CACNA2D3: variants seen among roughly 807,000 people sequenced by gnomAD.
The protein encoded by CACNA2D3 is calcium voltage-gated channel auxiliary subunit alpha2delta 3.
CACNA2D3 carries 60 observed loss-of-function variants against 160.6 expected under a neutral mutation model. The ratio of observed to expected loss-of-function variants is 0.37; its 90% CI spans 0.30 to 0.46. The LOEUF (loss-of-function observed/expected upper bound fraction) is 0.46. Ranked by LOEUF, CACNA2D3 falls within the 20% of genes least tolerant of loss-of-function variation. CACNA2D3 has a pLI of 1.00. For synonymous variants in CACNA2D3, 558 were observed against 492.9 expected (o/e 1.13, Z -1.75); for missense variants, 1,205 against 1,365.0 (o/e 0.88, Z 1.85).
At chr3:54,751,888 A>C (rs750836140) in intron 11 of CACNA2D3, among the ~76,000 whole-genome samples, 13 of 152,172 alleles carry the variant, frequency 8.5e-5, no homozygotes, top group Non-Finnish European at 1.8e-4. Flanking sequence ...TTCATTCCTT[A>C]TCTTTCTTCC....
intron 27 of CACNA2D3, among the ~76,000 whole-genome samples, chr3:54,904,168 A>G (rs1160767346): frequency 2.6e-5 from 4 of 152,204 alleles, no homozygotes; most frequent in South Asian, 4.1e-4. Flanking sequence ...AGAAAGGGCA[A>G]AACCTATTTT....
intron 13 of CACNA2D3, among the ~76,000 whole-genome samples, chr3:54,798,909 C>A (rs1702924935): frequency 6.6e-6 from 1 of 152,224 alleles, no homozygotes; most frequent in South Asian, 2.1e-4. Flanking sequence ...TGCTCCATTA[C>A]TCAGCTGCCT....
chr3:54,983,272 G>T (rs1702545773), intron 29 of CACNA2D3, among the ~76,000 whole-genome samples: 1 of 152,196 alleles, frequency 6.6e-6, no homozygotes, highest in Admixed American at 6.5e-5. Context: ...AATGTGACTT[G>T]TGCAACTAAG....
chr3:54,859,545 G>A (rs898145476), intron 17 of CACNA2D3, among the ~76,000 whole-genome samples: 2 of 152,170 alleles, frequency 1.3e-5, no homozygotes, highest in Non-Finnish European at 2.9e-5. Flanking sequence ...CTCTCTCCTA[G>A]AGATGGAGTC....
intron 3 of CACNA2D3, among the ~76,000 whole-genome samples, chr3:54,361,011 A>T (rs1698732530): frequency 6.6e-6 from 1 of 152,140 alleles, no homozygotes. Flanking sequence ...GAAGACCTTA[A>T]GAATGGTTAA....
intron 14 of CACNA2D3, 48 bp from the exon 15 acceptor site, chr3:54,837,109 CTG>C: frequency 6.5e-7 from 1 of 1,536,142 alleles, no homozygotes; most frequent in Middle Eastern, 1.7e-4. Flanking sequence ...GCCTCCAGAA[CTG>C]TGGTTTCCAG....
intron 3 of CACNA2D3, among the ~76,000 whole-genome samples, chr3:54,337,957 A>G (rs915141844): frequency 1.3e-5 from 2 of 152,350 alleles, no homozygotes; most frequent in Admixed American, 6.5e-5. Context: ...ACAGGCTGCC[A>G]CTTGCATCCA....
At chr3:54,846,054 T>G (rs1417925343) in intron 16 of CACNA2D3, among the ~76,000 whole-genome samples, 8 of 152,176 alleles carry the variant, frequency 5.3e-5, no homozygotes, top group African/African-American at 1.9e-4. Flanking sequence ...TTCTGTGCAC[T>G]TGGACATAGG....
chr3:54,406,099 A>T (rs1163502556), intron 4 of CACNA2D3, among the ~76,000 whole-genome samples: 1 of 152,128 alleles, frequency 6.6e-6, no homozygotes, highest in Non-Finnish European at 1.5e-5. Context: ...GTCAGTGGGA[A>T]TATAGATTGG....
intron 2 of CACNA2D3, among the ~76,000 whole-genome samples, chr3:54,210,537 C>T (rs531123518): frequency 4.6e-5 from 7 of 151,964 alleles, no homozygotes; most frequent in East Asian, 3.9e-4. Context: ...GTAAGGTCAC[C>T]GGACTTCTGC....
intron 2 of CACNA2D3, among the ~76,000 whole-genome samples, chr3:54,134,726 C>G (rs551815625): frequency 4.6e-5 from 7 of 152,368 alleles, no homozygotes; most frequent in African/African-American, 1.7e-4. Flanking sequence ...GACAGCAGAA[C>G]AAGCCGGTCC....
At position 54,207,771 on chromosome 3, in the gene CACNA2D3, C is replaced by G. The variant is rs991843420; in HGVS notation, c.204+84177C>G. On this transcript the variant is annotated intron_variant, in intron 2 of 37. Coordinates refer to ENST00000474759, the MANE Select transcript of CACNA2D3 (RefSeq NM_018398.3). ...GGCAGGAGGGGAAAGTGATGAATCT[C>G]TTCTCTGTGTCACTTCATCATGGGA... Among the ~76,000 whole-genome samples, 3 of 152,134 alleles carry G rather than the reference C, an allele frequency of 2.0e-5. No individual in the cohort carries two copies. In the East Asian group the frequency reaches 5.8e-4, roughly 29 times the overall value.
intron 5 of CACNA2D3, among the ~76,000 whole-genome samples, chr3:54,560,394 G>C (rs1702305876): frequency 6.6e-6 from 1 of 152,218 alleles, no homozygotes; most frequent in Non-Finnish European, 1.5e-5. Context: ...CTTTTGAGAA[G>C]TGTCTGTTCA....
chr3:54,543,257 G>T (rs1261569456), intron 5 of CACNA2D3, among the ~76,000 whole-genome samples: 2 of 152,194 alleles, frequency 1.3e-5, no homozygotes, highest in African/African-American at 4.8e-5. Flanking sequence ...TCGGAGGGTG[G>T]CGTTAGGTTG....
At chr3:54,260,828 C>G (rs1260052222) in intron 2 of CACNA2D3, among the ~76,000 whole-genome samples, 1 of 152,142 alleles carries the variant, frequency 6.6e-6, no homozygotes, top group African/African-American at 2.4e-5. Context: ...GCTCATCACT[C>G]TAGTTTCAGC....
chr3:54,760,200 G>A (rs1361486961), intron 12 of CACNA2D3, among the ~76,000 whole-genome samples: 4 of 150,946 alleles, frequency 2.6e-5, no homozygotes, highest in Non-Finnish European at 5.9e-5. Flanking sequence ...GGTGAAGGGA[G>A]AGGAAGTGAC....
chr3:54,427,443 A>C (rs1386238503), intron 4 of CACNA2D3, among the ~76,000 whole-genome samples: 1 of 152,128 alleles, frequency 6.6e-6, no homozygotes, highest in African/African-American at 2.4e-5. Flanking sequence ...TTTATTTTCA[A>C]ATTAAGATAC....
chr3:54,350,992 T>TTTTTTTTTTTTTTTTTGTTTTG (rs1559457861), intron 3 of CACNA2D3, among the ~76,000 whole-genome samples: 1 of 110,978 alleles, frequency 9.0e-6, no homozygotes, highest in African/African-American at 3.2e-5. Flanking sequence ...GTTTGTTTTT[T>TTTTTTTTTTTTTTTTTGTTTTG]TTTTTTTTTT....
intron 4 of CACNA2D3, among the ~76,000 whole-genome samples, chr3:54,432,112 A>G (rs1699999169): frequency 6.6e-6 from 1 of 152,206 alleles, no homozygotes; most frequent in African/African-American, 2.4e-5. Context: ...GCAACACGAA[A>G]AAAATCAAAA....
Sources: allele counts gnomAD v4.1 joint callset (sites outside exome capture counted in the v4.1 genomes callset), GRCh38; gene constraint gnomAD v4.1.1; transcripts MANE v1.5; gene names NCBI Gene and HGNC (gene_info 2026-07-23, HGNC 2026-07-21).